NSD2: variants seen among roughly 807,000 people sequenced by gnomAD.
The protein encoded by NSD2 is histone-lysine N-methyltransferase NSD2.
NSD2 carries 12 observed loss-of-function variants against 139.0 expected under a neutral mutation model. The ratio of observed to expected loss-of-function variants is 0.09; its 90% CI spans 0.06 to 0.14. The LOEUF (loss-of-function observed/expected upper bound fraction) is 0.14. Ranked by LOEUF, NSD2 falls within the 10% of genes least tolerant of loss-of-function variation. NSD2 has a pLI of 1.00. For missense variants in NSD2, 1,155 were observed against 1,745.0 expected (o/e 0.66, Z 6.02); for synonymous variants, 669 against 648.7 (o/e 1.03, Z -0.48).
chr4:1,925,486 C>A (rs1380312616), intron 5 of NSD2, among the ~76,000 whole-genome samples: 2 of 149,300 alleles, frequency 1.3e-5, no homozygotes, highest in East Asian at 2.0e-4. Context: ...GCAACCTCCT[C>A]CCCCCGGGTT....
chr4:1,941,187 T>C lies in NSD2; in HGVS notation c.1881+1409T>C. On this transcript the variant is annotated intron_variant, in intron 9 of 21. Coordinates refer to ENST00000508803, the MANE Select transcript of NSD2 (RefSeq NM_001042424.3). The stretch of plus-strand genomic sequence containing the variant: ...CAGGTTAAAATCTTAGAAAATTAAA[T>C]GAAAGGTCATTTACAGTTCCAAAGA... The C allele has an allele frequency of 3.8e-6, 4 of 1,054,532 alleles. No individual in the cohort carries two copies. The South Asian group carries it at 1.4e-4, about 36-fold the overall frequency. 65.3% of individuals were successfully genotyped at this position (1,054,532 alleles called of 1,614,324 possible).
chr4:1,909,931 G>A (rs1417706008), intron 3 of NSD2, among the ~76,000 whole-genome samples: 3 of 150,874 alleles, frequency 2.0e-5, no homozygotes, highest in South Asian at 2.1e-4. Context: ...GAGTCACCGC[G>A]CCCGGCACCC....
At chr4:1,967,254 T>A (rs1359695897) in intron 18 of NSD2, among the ~76,000 whole-genome samples, 5 of 152,184 alleles carry the variant, frequency 3.3e-5, no homozygotes, top group Non-Finnish European at 5.9e-5. Context: ...AATAGACTTA[T>A]AACTAGTAGA....
intron 5 of NSD2, among the ~76,000 whole-genome samples, chr4:1,929,641 GCA>G (rs1721396387): frequency 6.6e-6 from 1 of 152,198 alleles, no homozygotes; most frequent in African/African-American, 2.4e-5. Context: ...AACTTTGTGG[GCA>G]CTGTTGTTTG....
At position 1,891,872 on chromosome 4, in the gene NSD2, C is replaced by CA. The variant is rs1182445540; in HGVS notation, c.-29-8745dup. 9.6e-4 allele frequency among the ~76,000 whole-genome samples: 135 copies of CA among 140,352 alleles called. 2 individuals are homozygous for CA. The highest frequency in any genetic ancestry group is 2.7e-3 in the South Asian group (12 of 4,386). The allele number at this position is 140,352 out of a possible 152,430, so 92.1% of individuals were successfully genotyped here. A position where few individuals can be genotyped will look rare whatever the true frequency, so the allele number is the denominator to read the frequency against. On this transcript the variant is annotated intron_variant, in intron 1 of 21. Coordinates refer to ENST00000508803, the MANE Select transcript of NSD2 (RefSeq NM_001042424.3). ...ACTCCATCTCAAAAAAAAAAAAAAA[C>CA]AAAAAAAAACAAACAAAAACGAAAA...
At chr4:1,965,229 G>A (rs1725768242) in intron 18 of NSD2, among the ~76,000 whole-genome samples, 1 of 152,042 alleles carries the variant, frequency 6.6e-6, no homozygotes, top group Non-Finnish European at 1.5e-5. Flanking sequence ...AAAACCTGCA[G>A]AAAGTCAAGA....
intron 9 of NSD2, chr4:1,947,864 C>A (rs1332296603): frequency 8.5e-6 from 9 of 1,053,418 alleles, no homozygotes; most frequent in Middle Eastern, 4.2e-4. Flanking sequence ...ATTAAAAACT[C>A]AATGTGTATG....
At position 1,938,252 on chromosome 4, in the gene NSD2, T is replaced by C. The variant is rs566425358; in HGVS notation, c.1675-199T>C. 2.6e-5 allele frequency among the ~76,000 whole-genome samples: 4 copies of C among 152,284 alleles called. No homozygotes were observed. The East Asian group carries it at 7.7e-4, about 29-fold the overall frequency. On this transcript the variant is annotated intron_variant, in intron 7 of 21. Transcript: ENST00000508803. Reference sequence around the variant, plus strand: ...AAAAAAGTCTGAGATTGGGCAACCATGGATGACTTATGTGTGGAACACATT... The same window carrying C: ...AAAAAAGTCTGAGATTGGGCAACCACGGATGACTTATGTGTGGAACACATT...
intron 5 of NSD2, among the ~76,000 whole-genome samples, chr4:1,926,807 G>C (rs1720969730): frequency 6.6e-6 from 1 of 152,102 alleles, no homozygotes; most frequent in African/African-American, 2.4e-5. Context: ...TACCTTTCCT[G>C]ATCCTAATTT....
At chr4:1,954,270 C>A (rs1724586155) in intron 12 of NSD2, among the ~76,000 whole-genome samples, 1 of 152,094 alleles carries the variant, frequency 6.6e-6, no homozygotes, top group Admixed American at 6.5e-5. Flanking sequence ...CAGGTATGAG[C>A]CACCACGCCT....
intron 3 of NSD2, among the ~76,000 whole-genome samples, chr4:1,907,478 G>A (rs1718073249): frequency 6.6e-6 from 1 of 151,636 alleles, no homozygotes; most frequent in South Asian, 2.1e-4. Flanking sequence ...AGCTTTTTTT[G>A]TGTATGTGTG....
At chr4:1,904,986 C>T (rs573080771) in intron 3 of NSD2, among the ~76,000 whole-genome samples, 82 of 152,186 alleles carry the variant, frequency 5.4e-4, no homozygotes, top group South Asian at 4.8e-3. Flanking sequence ...CAAAATTAGC[C>T]GGACGTGGTG....
intron 17 of NSD2, 132 bp downstream of exon 17, chr4:1,959,872 T>A: frequency 5.0e-6 from 6 of 1,196,364 alleles, no homozygotes; most frequent in Non-Finnish European, 6.9e-6. Flanking sequence ...TTTTTTGTTT[T>A]TGTTTTGAGA....
At position 1,948,517 on chromosome 4, in the gene NSD2, C is replaced by CT; in HGVS notation, c.1882-2555_1882-2554insT. 1.9e-6 allele frequency: 2 copies of CT among 1,064,352 alleles called. No homozygotes were observed. Among genetic ancestry groups the CT allele is most frequent in the Non-Finnish European group, 2.3e-6 (2 of 877,858 alleles). 65.9% of individuals were successfully genotyped at this position (1,064,352 alleles called of 1,614,324 possible). The stretch of plus-strand genomic sequence containing the variant: ...CCGAGCCGAGAGCATTGGATCCTCC[C>CT]CGACTGTGGCTAGTTGTCTGTCCGG... On this transcript the variant is annotated intron_variant, in intron 9 of 21. Coordinates refer to ENST00000508803, the MANE Select transcript of NSD2 (RefSeq NM_001042424.3). This position sits in a 1 kb window ranked among gnomAD's most constrained non-coding sequence, Gnocchi z 4.5.
In NSD2 at chr4:1,918,260, G is replaced by C. The variant is rs147523648; in HGVS notation, c.1047G>C (p.Val349=). The C allele has an allele frequency of 5.3e-5, 85 of 1,613,924 alleles. No homozygotes were observed. In the South Asian group the frequency reaches 7.5e-4, roughly 14 times the overall value. Residue 349 remains valine (V), a synonymous_variant, in exon 5 of 22, where the codon GTG becomes GTC. Transcript: ENST00000508803. ...AAGCCAAGTTCACCTTTCTCTATGT[G>C]GGGGACCAGCTTCATCTCAACCCTC... ...ERKAKFTFLY[V]GDQLHLNPQV...
Position 1,916,944 on chromosome 4 carries a change from G to A in NSD2, c.834G>A (p.Glu278=). The A allele has an allele frequency of 6.2e-7, 1 of 1,614,166 alleles. No individual in the cohort carries two copies. ...GDAPERAWIF[E]KSLVAFEGEG... is the part of the protein sequence containing the mutation. ...CCCCAGAAAGAGCTTGGATATTTGA[G>A]AAGAGCCTCGTAGCTTTTGAAGGAG... is the stretch of plus-strand genomic sequence containing the variant. Residue 278 remains glutamate (E), a synonymous_variant, in exon 4 of 22, where the codon GAG becomes GAA. Coordinates refer to ENST00000508803, the MANE Select transcript of NSD2 (RefSeq NM_001042424.3).
chr4:1,927,719 GAAAAAAAAAAAA>G (rs1177170379), intron 5 of NSD2, among the ~76,000 whole-genome samples: 13 of 18,910 alleles, frequency 6.9e-4, no homozygotes, highest in East Asian at 5.2e-3. Context: ...TCTTATCTCA[GAAAAAAAAAAAA>G]AAAAAAAAAA....
At chr4:1,898,381 G>A (rs1167097236) in intron 1 of NSD2, among the ~76,000 whole-genome samples, 3 of 152,136 alleles carry the variant, frequency 2.0e-5, no homozygotes, top group South Asian at 2.1e-4. Flanking sequence ...AAATGGTTTC[G>A]TGGCCAGGTG....
At chr4:1,882,684 A>G (rs1291106721) in intron 1 of NSD2, among the ~76,000 whole-genome samples, 1 of 152,010 alleles carries the variant, frequency 6.6e-6, no homozygotes, top group Non-Finnish European at 1.5e-5. Flanking sequence ...AACAACAACA[A>G]CAACAAAAAA....
Sources: allele counts gnomAD v4.1 joint callset (sites outside exome capture counted in the v4.1 genomes callset), GRCh38; gene constraint gnomAD v4.1.1; non-coding constraint Gnocchi (gnomAD v3.1); transcripts MANE v1.5; gene names NCBI Gene and HGNC (gene_info 2026-07-23, HGNC 2026-07-21).